Variants in CPXM2 observed in about 807,000 individuals in gnomAD.
The protein encoded by CPXM2 is inactive carboxypeptidase-like protein X2.
CPXM2 carries 66 observed loss-of-function variants against 86.1 expected under a neutral mutation model. That is an observed-to-expected ratio of 0.77 (90% CI 0.63 to 0.94). The LOEUF (loss-of-function observed/expected upper bound fraction) is 0.94, where lower values mean the gene tolerates loss of function less well. Among genes scored for constraint, CPXM2 ranks in the 40% least tolerant of loss-of-function variants. CPXM2 has a pLI of 0.00. For missense variants in CPXM2, 948 were observed against 1,026.3 expected (o/e 0.92, Z 1.04); for synonymous variants, 388 against 400.2 (o/e 0.97, Z 0.36).
chr10:123,882,991 G>A (rs573042712), intron 1 of CPXM2, among the ~76,000 whole-genome samples: 54 of 149,290 alleles, frequency 3.6e-4, no homozygotes, highest in Middle Eastern at 3.5e-3. Context: ...GCCCCCACAC[G>A]ACAGCCTGGA....
intron 10 of CPXM2, among the ~76,000 whole-genome samples, chr10:123,765,022 C>T (rs1846436236): frequency 6.6e-6 from 1 of 151,658 alleles, no homozygotes; most frequent in African/African-American, 2.4e-5. Flanking sequence ...TTTTTATTTT[C>T]TAAATACATG....
At chr10:123,873,314 TAA>T (rs557515788) in intron 2 of CPXM2, among the ~76,000 whole-genome samples, 5 of 152,262 alleles carry the variant, frequency 3.3e-5, no homozygotes, top group East Asian at 1.9e-4. Flanking sequence ...ATAAATCTAT[TAA>T]AAGATATATA....
chr10:123,918,613 AG>A (rs1945554176), intron 2 of CPXM2, among the ~76,000 whole-genome samples: 2 of 152,180 alleles, frequency 1.3e-5, no homozygotes, highest in Non-Finnish European at 2.9e-5. Context: ...CCAGAAAATC[AG>A]AAGGGCAGCT....
intron 2 of CPXM2, among the ~76,000 whole-genome samples, chr10:123,879,444 T>C (rs1482423396): frequency 6.6e-6 from 1 of 152,184 alleles, no homozygotes; most frequent in Non-Finnish European, 1.5e-5. Context: ...CATTCCCATG[T>C]CTCATTTTCC....
At chr10:123,863,442 G>C (rs61678604) in intron 2 of CPXM2, among the ~76,000 whole-genome samples, 2,629 of 152,276 alleles carry the variant, frequency 0.017, 66 homozygotes, top group African/African-American at 0.061. Context: ...TTGTGCAGCA[G>C]GCATGCCAAC....
intron 6 of CPXM2, among the ~76,000 whole-genome samples, chr10:123,797,321 G>A (rs7091802): frequency 0.14 from 20,916 of 152,220 alleles, 2,288 homozygotes; most frequent in African/African-American, 0.32. Context: ...GCCAATGACA[G>A]ATAAACGTGT....
At chr10:123,783,216 G>C (rs1846975044) in intron 6 of CPXM2, among the ~76,000 whole-genome samples, 1 of 152,250 alleles carries the variant, frequency 6.6e-6, no homozygotes. Flanking sequence ...CCATGCCGCT[G>C]TTCTGCCTGT....
chr10:123,762,835 T>C (rs1846376804), intron 10 of CPXM2, among the ~76,000 whole-genome samples: 1 of 152,226 alleles, frequency 6.6e-6, no homozygotes, highest in African/African-American at 2.4e-5. Context: ...ATAATCTCAG[T>C]AAGATCAAAT....
chr10:123,809,055 C>T (rs1335941226), intron 4 of CPXM2, among the ~76,000 whole-genome samples: 3 of 152,092 alleles, frequency 2.0e-5, no homozygotes, highest in African/African-American at 7.2e-5. Context: ...CTACATCATC[C>T]TGCTCAGGAC....
chr10:123,923,130 C>G (rs1225071376), intron 2 of CPXM2, among the ~76,000 whole-genome samples: 1 of 152,060 alleles, frequency 6.6e-6, no homozygotes, highest in Non-Finnish European at 1.5e-5. Flanking sequence ...AGATCAAGAA[C>G]CTGGGACATT....
chr10:123,908,591 G>A (rs540543765), intron 2 of CPXM2, among the ~76,000 whole-genome samples: 1 of 152,220 alleles, frequency 6.6e-6, no homozygotes, highest in East Asian at 1.9e-4. Flanking sequence ...AGGGCTCGGG[G>A]CAAGGAGACA....
At chr10:123,915,291 C>A (rs1277586796) in intron 2 of CPXM2, among the ~76,000 whole-genome samples, 3 of 152,342 alleles carry the variant, frequency 2.0e-5, no homozygotes, top group Non-Finnish European at 4.4e-5. Context: ...GGTGCGGTGG[C>A]TCATAGCTGT....
intron 2 of CPXM2, among the ~76,000 whole-genome samples, chr10:123,899,657 G>A (rs1044938301): frequency 6.6e-6 from 1 of 152,218 alleles, no homozygotes; most frequent in Non-Finnish European, 1.5e-5. Flanking sequence ...GGAGGAAGGG[G>A]AAGGAAGGGA....
rs1447461254 is a variant in CPXM2, at chr10:123,813,451, T to C, written c.654-14252A>G. 2.6e-5 allele frequency among the ~76,000 whole-genome samples: 4 copies of C among 152,358 alleles called. No individual in the cohort carries two copies. The East Asian group carries it at 7.7e-4, about 29-fold the overall frequency. ...TTCTCTTTTCCCTAGGTCCTAGGTA[T>C]AGGATTTCAGTGTTCTCAGATCAAT... is the stretch of plus-strand genomic sequence containing the variant. On this transcript the variant is annotated intron_variant, in intron 4 of 13. Transcript: ENST00000241305.
At chr10:123,894,723 A>G (rs1312516117), upstream of CPXM2, among the ~76,000 whole-genome samples, 1 of 151,898 alleles carries the variant, frequency 6.6e-6, no homozygotes, top group East Asian at 1.9e-4. Context: ...TCTTGGCCCC[A>G]TCTCTCCTTC....
intron 2 of CPXM2, among the ~76,000 whole-genome samples, chr10:123,936,234 T>G (rs1564826534): frequency 1.3e-5 from 2 of 152,212 alleles, no homozygotes; most frequent in Non-Finnish European, 1.5e-5. Context: ...AAACTAAGGC[T>G]CAGAGACTGT....
At chr10:123,755,462 G>A (rs1267445514) in intron 12 of CPXM2, among the ~76,000 whole-genome samples, 1 of 152,100 alleles carries the variant, frequency 6.6e-6, no homozygotes, top group Non-Finnish European at 1.5e-5. Context: ...ATTTCTTTTG[G>A]GTTCTTGCAC....
At chr10:123,821,889 C>T (rs1164157675) in intron 4 of CPXM2, among the ~76,000 whole-genome samples, 1 of 152,172 alleles carries the variant, frequency 6.6e-6, no homozygotes, top group Non-Finnish European at 1.5e-5. Context: ...ATTTGATTTG[C>T]TCAAAACTGT....
chr10:123,850,071 T>C (rs1848570194), intron 3 of CPXM2, among the ~76,000 whole-genome samples: 1 of 152,246 alleles, frequency 6.6e-6, no homozygotes, highest in Non-Finnish European at 1.5e-5. Flanking sequence ...TCAATATTTA[T>C]TATATCTGGG....
Sources: gnomAD v4.1 joint callset for allele counts (sites outside exome capture counted in the v4.1 genomes callset) on GRCh38, gnomAD v4.1.1 for gene constraint, MANE v1.5 for transcripts, NCBI Gene and HGNC (gene_info 2026-07-23, HGNC 2026-07-21) for gene names.